NT5DC3: variants seen among roughly 807,000 people sequenced by gnomAD.
The protein encoded by NT5DC3 is 5'-nucleotidase domain containing 3.
Under a neutral mutation model 67.8 loss-of-function variants are expected in NT5DC3, and 42 were observed. That is an observed-to-expected ratio of 0.62 (90% confidence interval 0.48 to 0.80). The LOEUF (loss-of-function observed/expected upper bound fraction) is 0.80. NT5DC3 is among the 30% of genes least tolerant of loss of function. NT5DC3 has a pLI of 0.00. For synonymous variants in NT5DC3, 237 were observed against 255.6 expected (o/e 0.93, Z 0.69); for missense variants, 570 against 696.4 (o/e 0.82, Z 2.04).
At chr12:103,798,818 C>T (rs1197860194) in intron 4 of NT5DC3, 141 bp from the exon 5 acceptor site, 1 of 621,520 alleles carries the variant, frequency 1.6e-6, no homozygotes. Flanking sequence ...CAAGTAAATG[C>T]CACAAATATC....
Position 103,806,323 on chromosome 12 carries a change from T to C in NT5DC3, c.523A>G (p.Arg175Gly). 1 of 1,599,504 alleles carries C rather than the reference T, an allele frequency of 6.3e-7. No individual in the cohort carries two copies. ...FHYIQLGTVYRGLSVVPDEEV... is the reference protein window; with the variant it reads ...FHYIQLGTVYGGLSVVPDEEV... The stretch of plus-strand genomic sequence containing the variant: ...AAATGTATCTCCTCTTACTCTTACC[T>C]GTAGACAGTTCCCAGCTGGATATAA... Residue 175 changes from arginine (R) to glycine (G), a missense_variant and splice_region_variant, in exon 4 of 14, where the codon AGA becomes GGA. Arg to Gly is a moderately radical substitution (Grantham distance 125). Transcript: ENST00000392876.
At chr12:103,748,584 C>CCACA in the NT5DC3 span, among the ~76,000 whole-genome samples, 117 of 141,886 alleles carry the variant, frequency 8.2e-4, 1 homozygote, top group Middle Eastern at 3.5e-3. Flanking sequence ...TAACTCTACA[C>CCACA]CACACACACA....
At chr12:103,818,407 G>C (rs1209394505) in intron 1 of NT5DC3, among the ~76,000 whole-genome samples, 1 of 144,126 alleles carries the variant, frequency 6.9e-6, no homozygotes, top group Non-Finnish European at 1.5e-5. Context: ...ATGAAGTCTC[G>C]CTCTGTCACC....
At chr12:103,758,340 C>T in the NT5DC3 span, 33 of 1,604,830 alleles carry the variant, frequency 2.1e-5, no homozygotes, top group Non-Finnish European at 2.7e-5. Flanking sequence ...TTATCTATCA[C>T]CACAACAATG....
At chr12:103,798,444 G>A (rs1886417015) in intron 5 of NT5DC3, 143 bp downstream of exon 5, 1 of 625,190 alleles carries the variant, frequency 1.6e-6, no homozygotes, top group East Asian at 2.8e-5. Flanking sequence ...GAATCTGGGG[G>A]TGTCCCCTTC....
intron 1 of NT5DC3, among the ~76,000 whole-genome samples, chr12:103,829,900 T>C (rs1887853198): frequency 6.7e-6 from 1 of 150,010 alleles, no homozygotes; most frequent in Non-Finnish European, 1.5e-5. Context: ...AAAAAAAAGG[T>C]CTCTTTACAC....
In NT5DC3 at chr12:103,793,907, A is replaced by T. The variant is rs755624235; in HGVS notation, c.814+30T>A. The T allele has an allele frequency of 7.6e-6, 12 of 1,573,626 alleles. No individual in the cohort carries two copies. The East Asian group carries it at 2.7e-4, about 35-fold the overall frequency. On this transcript the variant is annotated intron_variant, in intron 7 of 13. Transcript: ENST00000392876. ...TTGCAAAAGAAACAGAAAGGCTGAA[A>T]CTCTCTTCGTGATACTGCTGAGCAC...
In NT5DC3 at chr12:103,780,297, T is replaced by TA; in HGVS notation, c.1394+2dup. ...GCGCACATTCAATACAGGCCTCTCT[T>TA]ACCGCATCTCCTTCCTTTCCTTTTT... On this transcript the variant is annotated splice_region_variant and intron_variant, in intron 13 of 13. Coordinates refer to ENST00000392876, the MANE Select transcript of NT5DC3 (RefSeq NM_001031701.3). The TA allele has an allele frequency of 6.2e-7, 1 of 1,613,516 alleles. No individual in the cohort carries two copies. The highest frequency in any genetic ancestry group is 8.5e-7 in the Non-Finnish European group (1 of 1,179,416).
chr12:103,788,272 C>T (rs943935287), intron 10 of NT5DC3, among the ~76,000 whole-genome samples: 2 of 152,146 alleles, frequency 1.3e-5, no homozygotes, highest in African/African-American at 4.8e-5. Flanking sequence ...AAGACCCTGT[C>T]TCTACAAAAA....
intron 1 of NT5DC3, 36 bp downstream of exon 1, chr12:103,840,912 GC>G (rs1464035424): frequency 6.3e-6 from 8 of 1,265,298 alleles, no homozygotes; most frequent in Middle Eastern, 2.8e-4. Flanking sequence ...CGCAGGAGGG[GC>G]CCCAGGCGCC....
In NT5DC3 at chr12:103,776,226, A is replaced by C. The variant is rs993339993; in HGVS notation, c.*1603T>G. On this transcript the variant is annotated 3_prime_UTR_variant, in exon 14 of 14. Coordinates refer to ENST00000392876, the MANE Select transcript of NT5DC3 (RefSeq NM_001031701.3). ...ATTAAGGATTCTTCCCTCCAACAAA[A>C]GGAATACATGCCACTTGCATTGCCC... 6.6e-6 allele frequency: 1 copy of C among 152,186 alleles called. No homozygotes were observed. The highest frequency in any genetic ancestry group is 1.5e-5 in the Non-Finnish European group (1 of 68,046). The allele number at this position is 152,186 out of a possible 1,614,324, so 9.4% of individuals were successfully genotyped here. A position where few individuals can be genotyped will look rare whatever the true frequency, so the allele number is the denominator to read the frequency against.
In NT5DC3 at chr12:103,777,546, A is replaced by G; in HGVS notation, c.*283T>C. ...GACATGGCATCAAGTGGTCTCACCT[A>G]TCCCAGGAAACCTGATGTTCCAGGA... On this transcript the variant is annotated 3_prime_UTR_variant, in exon 14 of 14. Transcript: ENST00000392876. 2 of 457,334 alleles carry G rather than the reference A, an allele frequency of 4.4e-6. No homozygotes were observed. Among genetic ancestry groups the G allele is most frequent in the South Asian group, 6.9e-5 (2 of 28,840 alleles). The allele number at this position is 457,334 out of a possible 1,614,324, so 28.3% of individuals were successfully genotyped here. A position where few individuals can be genotyped will look rare whatever the true frequency, so the allele number is the denominator to read the frequency against.
At chr12:103,782,847 G>A (rs547398726) in intron 12 of NT5DC3, among the ~76,000 whole-genome samples, 4 of 152,276 alleles carry the variant, frequency 2.6e-5, no homozygotes, top group South Asian at 2.1e-4. Context: ...TTAGCTGGGC[G>A]TGGTGGCACA....
Position 103,815,192 on chromosome 12 carries a change from A to G in NT5DC3, c.209-71T>C, listed in dbSNP as rs533165025. ...GGTTAGTATGATTCCTAAAGAAAAAAAATGAGTAAACTAGACTATAAAAGA... is the reference window on the plus strand; with the variant it reads ...GGTTAGTATGATTCCTAAAGAAAAAGAATGAGTAAACTAGACTATAAAAGA... On this transcript the variant is annotated intron_variant, in intron 1 of 13. Coordinates refer to ENST00000392876, the MANE Select transcript of NT5DC3 (RefSeq NM_001031701.3). 1.9e-5 allele frequency: 19 copies of G among 998,050 alleles called. No homozygotes were observed. The Admixed American group carries it at 5.0e-4, about 26-fold the overall frequency. The allele number at this position is 998,050 out of a possible 1,614,324, so 61.8% of individuals were successfully genotyped here.
rs997479539 is a variant in NT5DC3, at chr12:103,775,799, C to T, written c.*2030G>A. The T allele has an allele frequency of 1.3e-5, 2 of 152,158 alleles. No individual in the cohort carries two copies. The highest frequency in any genetic ancestry group is 2.9e-5 in the Non-Finnish European group (2 of 68,040). The allele number at this position is 152,158 out of a possible 1,614,324, so 9.4% of individuals were successfully genotyped here. On this transcript the variant is annotated 3_prime_UTR_variant, in exon 14 of 14. Coordinates refer to ENST00000392876, the MANE Select transcript of NT5DC3 (RefSeq NM_001031701.3). ...TAAATACAGCCAAATATCACAAGTA[C>T]ATTCCAACTATAACAAGCAGCATTA...
chr12:103,773,407 C>T lies in NT5DC3; in HGVS notation c.*4422G>A, dbSNP rs751448. On this transcript the variant is annotated 3_prime_UTR_variant, in exon 14 of 14. Coordinates refer to ENST00000392876, the MANE Select transcript of NT5DC3 (RefSeq NM_001031701.3). ...ACTTCATTCCCTACCCTTTCTTGAA[C>T]GCACTAGCAGTGTCAAAGGTTAGCT... The T allele has an allele frequency of 0.26, 39,186 of 152,084 alleles. 5,685 individuals carry two copies. Among genetic ancestry groups the T allele is most frequent in the South Asian group, 0.47 (2,269 of 4,822 alleles). The allele number at this position is 152,084 out of a possible 1,614,324, so 9.4% of individuals were successfully genotyped here. A position where few individuals can be genotyped will look rare whatever the true frequency, so the allele number is the denominator to read the frequency against.
the NT5DC3 span, among the ~76,000 whole-genome samples, chr12:103,760,343 C>T: frequency 6.6e-6 from 1 of 152,178 alleles, no homozygotes; most frequent in African/African-American, 2.4e-5. Flanking sequence ...TCACTGCAAC[C>T]TCCCCCTCCT....
At chr12:103,838,208 CT>C (rs1888233221) in intron 1 of NT5DC3, among the ~76,000 whole-genome samples, 1 of 152,236 alleles carries the variant, frequency 6.6e-6, no homozygotes, top group African/African-American at 2.4e-5. Context: ...TTACCTCCCC[CT>C]GGGTCCCTCC....
the NT5DC3 span, chr12:103,755,508 C>T: frequency 1.5e-5 from 24 of 1,609,806 alleles, no homozygotes; most frequent in Admixed American, 3.8e-4. Context: ...GGCCACACAG[C>T]TGCTGAGCAA....
Sources: gnomAD v4.1 joint callset for allele counts (sites outside exome capture counted in the v4.1 genomes callset) on GRCh38, gnomAD v4.1.1 for gene constraint, MANE v1.5 for transcripts, NCBI Gene and HGNC (gene_info 2026-07-23, HGNC 2026-07-21) for gene names.